The following TUSC3 variants were observed in gnomAD, a reference collection of about 807,000 sequenced individuals.
The protein encoded by TUSC3 is dolichyl-diphosphooligosaccharide--protein glycosyltransferase subunit TUSC3.
Under a neutral mutation model 44.8 loss-of-function variants are expected in TUSC3, and 45 were observed. That is an observed-to-expected ratio of 1.00 (90% CI 0.79 to 1.29). TUSC3 has a LOEUF of 1.29. Among genes scored for constraint, TUSC3 ranks in the 50% most tolerant of loss-of-function variants. TUSC3 has a pLI of 0.00. For missense variants in TUSC3, 519 were observed against 437.9 expected, an observed-to-expected ratio of 1.19 and a Z score of -1.65; for synonymous variants, 212 against 152.9, an observed-to-expected ratio of 1.39 and a Z score of -2.85.
At chr8:15,509,889 C>T (rs1053162725) in intron 2 of TUSC3, among the ~76,000 whole-genome samples, 3 of 152,046 alleles carry the variant, frequency 2.0e-5, no homozygotes, top group Non-Finnish European at 2.9e-5. Flanking sequence ...GTTATTTCCC[C>T]AGTTATCTAA....
chr8:15,417,678 C>T (rs553484565), intron 1 of TUSC3, among the ~76,000 whole-genome samples: 9 of 152,180 alleles, frequency 5.9e-5, no homozygotes, highest in Non-Finnish European at 7.3e-5. Context: ...TGTGAAGATG[C>T]TGAGCACTCA....
chr8:15,436,995 T>A (rs773664380), intron 1 of TUSC3, among the ~76,000 whole-genome samples: 1 of 152,172 alleles, frequency 6.6e-6, no homozygotes, highest in African/African-American at 2.4e-5. Context: ...ACTGGCTATT[T>A]AAAATTGATG....
chr8:15,593,013 G>A (rs1269349532), intron 1 of TUSC3, among the ~76,000 whole-genome samples: 2 of 152,098 alleles, frequency 1.3e-5, no homozygotes, highest in Non-Finnish European at 2.9e-5. Context: ...TTGGGGGTAT[G>A]AACATTTTTG....
intron 6 of TUSC3, among the ~76,000 whole-genome samples, chr8:15,692,960 G>C (rs1808985369): frequency 6.6e-6 from 1 of 152,130 alleles, no homozygotes; most frequent in Admixed American, 6.5e-5. Context: ...TGTTTTGTCT[G>C]AAATTGGAAT....
the TUSC3 span, among the ~76,000 whole-genome samples, chr8:15,800,479 G>A: frequency 6.6e-6 from 1 of 151,922 alleles, no homozygotes; most frequent in African/African-American, 2.4e-5. Context: ...GGGCTGAGGT[G>A]GGAGGATCAC....
At chr8:15,475,738 A>G (rs1800566493) in intron 1 of TUSC3, among the ~76,000 whole-genome samples, 1 of 152,192 alleles carries the variant, frequency 6.6e-6, no homozygotes, top group Non-Finnish European at 1.5e-5. Flanking sequence ...AATTGTACAC[A>G]TTAACATAAA....
chr8:15,535,618 A>G (rs1421023646), upstream of TUSC3, among the ~76,000 whole-genome samples: 5 of 152,190 alleles, frequency 3.3e-5, no homozygotes, highest in Non-Finnish European at 7.3e-5. Flanking sequence ...ATGCTATTGA[A>G]AAGATAAAGC....
At chr8:15,656,445 A>C (rs756056285) in intron 3 of TUSC3, among the ~76,000 whole-genome samples, 3 of 152,230 alleles carry the variant, frequency 2.0e-5, no homozygotes, top group African/African-American at 4.8e-5. Context: ...GAAAAGAAAA[A>C]GGGGTAACTG....
At chr8:15,654,135 C>G (rs77402666) in intron 3 of TUSC3, among the ~76,000 whole-genome samples, 4 of 152,228 alleles carry the variant, frequency 2.6e-5, no homozygotes, top group African/African-American at 7.2e-5. Flanking sequence ...TTAAGAACCT[C>G]TAAAGTTTTA....
intron 5 of TUSC3, among the ~76,000 whole-genome samples, chr8:15,670,066 A>G (rs1287064308): frequency 2.0e-5 from 3 of 151,926 alleles, no homozygotes; most frequent in Non-Finnish European, 4.4e-5. Context: ...CTAATAAAAG[A>G]TATGCACACT....
chr8:15,641,405 G>A (rs773321634), intron 2 of TUSC3, among the ~76,000 whole-genome samples: 88 of 140,216 alleles, frequency 6.3e-4, no homozygotes, highest in Admixed American at 8.7e-4. Context: ...GAAGAAGGAA[G>A]GAATTTCACA....
chr8:15,632,364 T>C (rs1426289021), intron 2 of TUSC3, among the ~76,000 whole-genome samples: 2 of 152,224 alleles, frequency 1.3e-5, no homozygotes, highest in African/African-American at 4.8e-5. Flanking sequence ...GGAAGAGTAC[T>C]ATAGCAGTTA....
intron 2 of TUSC3, among the ~76,000 whole-genome samples, chr8:15,534,877 G>T (rs773933938): frequency 9.2e-5 from 14 of 152,132 alleles, no homozygotes; most frequent in African/African-American, 3.1e-4. Flanking sequence ...TTACTTGAAC[G>T]CAGTTTGAAC....
rs142513909 is a variant in TUSC3 at position 15,737,089 on chromosome 8, G to T, written c.862+6360G>T. 2.0e-4 allele frequency among the ~76,000 whole-genome samples: 30 copies of T among 152,152 alleles called. No homozygotes were observed. The East Asian group carries it at 5.2e-3, about 26-fold the overall frequency. ...AACATTTTTTCCATTTATTATGAAAGAATATGATTTTATTCGCATCTGTTT... is the reference window on the plus strand; with the variant it reads ...AACATTTTTTCCATTTATTATGAAATAATATGATTTTATTCGCATCTGTTT... On this transcript the variant is annotated intron_variant, in intron 7 of 10. Coordinates refer to ENST00000503731, the MANE Select transcript of TUSC3 (RefSeq NM_006765.4).
At chr8:15,678,647 T>A (rs1399908538) in intron 6 of TUSC3, among the ~76,000 whole-genome samples, 1 of 152,206 alleles carries the variant, frequency 6.6e-6, no homozygotes, top group Non-Finnish European at 1.5e-5. Context: ...TTTTAACAAG[T>A]CTTTTTAAAA....
intron 1 of TUSC3, among the ~76,000 whole-genome samples, chr8:15,474,055 C>A (rs1428308795): frequency 6.6e-6 from 1 of 152,092 alleles, no homozygotes; most frequent in Non-Finnish European, 1.5e-5. Flanking sequence ...ATGCATTCTT[C>A]CCCACGGTAT....
intron 1 of TUSC3, among the ~76,000 whole-genome samples, chr8:15,429,462 TG>T (rs1448067214): frequency 6.6e-6 from 1 of 150,712 alleles, no homozygotes; most frequent in Non-Finnish European, 1.5e-5. Flanking sequence ...GGCTCTTTTT[TG>T]GTTCCATATG....
intron 6 of TUSC3, among the ~76,000 whole-genome samples, chr8:15,716,745 T>G (rs1343681241): frequency 6.6e-6 from 1 of 152,156 alleles, no homozygotes; most frequent in East Asian, 1.9e-4. Context: ...GAGCTCAGTG[T>G]AAATACGAAA....
chr8:15,690,741 C>T (rs1808862641), intron 6 of TUSC3, among the ~76,000 whole-genome samples: 1 of 152,008 alleles, frequency 6.6e-6, no homozygotes, highest in African/African-American at 2.4e-5. Context: ...TCCCAGCACC[C>T]CTTACTGAAT....
Sources: allele counts gnomAD v4.1 joint callset (sites outside exome capture counted in the v4.1 genomes callset), GRCh38; gene constraint gnomAD v4.1.1; transcripts MANE v1.5; gene names NCBI Gene and HGNC (gene_info 2026-07-23, HGNC 2026-07-21).